Variants in GPSM2 observed in about 807,000 individuals in gnomAD.
GPSM2 encodes the protein G protein signaling modulator 2.
A neutral mutation model predicts 78.4 loss-of-function variants in GPSM2; 58 were observed. The ratio of observed to expected loss-of-function variants is 0.74; its 90% CI spans 0.60 to 0.92. The LOEUF is 0.92. GPSM2 is among the 40% of genes least tolerant of loss of function. GPSM2 has a pLI of 0.00. For missense variants in GPSM2, 700 were observed against 815.5 expected, an observed-to-expected ratio of 0.86 and a Z score of 1.73; for synonymous variants, 224 against 280.2, an observed-to-expected ratio of 0.80 and a Z score of 2.00.
intron 7 of GPSM2, among the ~76,000 whole-genome samples, chr1:108,900,491 A>G (rs1466262292): frequency 6.6e-6 from 1 of 152,070 alleles, no homozygotes; most frequent in East Asian, 1.9e-4. Context: ...CGCCCACCTC[A>G]GCCTCCCAAA....
chr1:108,898,965 T>G lies in GPSM2; in HGVS notation c.768T>G (p.Gly256=). The change falls in exon 7 of 15, where the codon GGT becomes GGG. Residue 256 remains glycine (G), a synonymous_variant. Transcript: ENST00000264126. ...SNLGNAYIFL[G]EFETASEYYK... ...TTGGAAATGCATATATATTTCTTGG[T>G]GAATTTGAAACTGCCTCGGAATACT... The G allele has an allele frequency of 6.2e-7, 1 of 1,605,504 alleles. No individual in the cohort carries two copies. The highest frequency in any genetic ancestry group is 1.3e-5 in the African/African-American group (1 of 74,864).
intron 10 of GPSM2, among the ~76,000 whole-genome samples, chr1:108,908,264 G>C (rs58187137): frequency 0.053 from 8,135 of 152,072 alleles, 252 homozygotes; most frequent in African/African-American, 0.09. Context: ...GCAGCTACTC[G>C]GGAGGCTGAG....
chr1:108,926,583 A>AT (rs773987786), intron 14 of GPSM2: 15 of 152,202 alleles, frequency 9.9e-5, no homozygotes, highest in Non-Finnish European at 1.9e-4. Context: ...GCAAGGACTG[A>AT]TTGTTCAACA....
intron 14 of GPSM2, among the ~76,000 whole-genome samples, chr1:108,924,872 G>A (rs967494616): frequency 5.3e-5 from 8 of 152,152 alleles, no homozygotes; most frequent in African/African-American, 1.9e-4. Flanking sequence ...GGAAGGTACT[G>A]GGAGTGTCCT....
At chr1:108,894,544 A>G (rs1395126530) in intron 2 of GPSM2, among the ~76,000 whole-genome samples, 1 of 152,178 alleles carries the variant, frequency 6.6e-6, no homozygotes, top group Non-Finnish European at 1.5e-5. Context: ...CTAAAATTAC[A>G]AAAATTAGCC....
rs1229620155 is a variant in GPSM2 at position 108,929,800 on chromosome 1, C to A, written c.1915C>A (p.Gln639Lys). 6.2e-7 allele frequency: 1 copy of A among 1,613,886 alleles called. No homozygotes were observed. Among genetic ancestry groups the A allele is most frequent in the Non-Finnish European group, 8.5e-7 (1 of 1,179,956 alleles). ...CTTTTTCAGCCTTATTTTACGGTCC[C>A]AGGGAAAGAGAATGGATGAACAGAG... The part of the protein sequence containing the change: ...EDFFSLILRS[Q>K]GKRMDEQRVL... The change falls in exon 15 of 15, where the codon CAG becomes AAG. Residue 639 changes from glutamine to lysine, a missense_variant. Coordinates refer to ENST00000264126, the MANE Select transcript of GPSM2 (RefSeq NM_013296.5).
In GPSM2 at chr1:108,903,196, A is replaced by G. The variant is rs750207026; in HGVS notation, c.1024A>G (p.Met342Val). Residue 342 changes from methionine (M) to valine (V), a missense_variant, in exon 9 of 15, where the codon ATG becomes GTG. Coordinates refer to ENST00000264126, the MANE Select transcript of GPSM2 (RefSeq NM_013296.5). Reference sequence around the variant, plus strand: ...AGCACTAGGAAATCATGATCAAGCAATGCATTTTGCTGAAAAGCACTTGGA... The same window carrying G: ...AGCACTAGGAAATCATGATCAAGCAGTGCATTTTGCTGAAAAGCACTTGGA... Reference protein sequence around the residue: ...YTALGNHDQAMHFAEKHLEIS... With the variant: ...YTALGNHDQAVHFAEKHLEIS... 8 of 1,609,864 alleles carry G rather than the reference A, an allele frequency of 5.0e-6. No individual in the cohort carries two copies. In the Admixed American group the frequency reaches 5.0e-5, roughly 10 times the overall value.
At chr1:108,916,924 G>A (rs1650276325) in intron 11 of GPSM2, among the ~76,000 whole-genome samples, 1 of 152,144 alleles carries the variant, frequency 6.6e-6, no homozygotes. Flanking sequence ...TTGAGACTTG[G>A]ATGCCTGAAC....
chr1:108,887,724 A>T (rs1334346803), intron 2 of GPSM2, among the ~76,000 whole-genome samples: 1 of 152,178 alleles, frequency 6.6e-6, no homozygotes, highest in Non-Finnish European at 1.5e-5. Context: ...ACCCACAGAC[A>T]CCATGCACCC....
intron 11 of GPSM2, among the ~76,000 whole-genome samples, chr1:108,914,970 AG>A (rs1180394499): frequency 1.3e-5 from 2 of 151,948 alleles, no homozygotes; most frequent in East Asian, 1.9e-4. Context: ...CTTGCAGGAG[AG>A]GGGTGCACAG....
Position 108,879,823 on chromosome 1 carries a change from A to G in GPSM2, c.-249+2595A>G, listed in dbSNP as rs187443638. 9.9e-3 allele frequency among the ~76,000 whole-genome samples: 1,505 copies of G among 152,092 alleles called. 23 individuals are homozygous for G. Among genetic ancestry groups the G allele is most frequent in the African/African-American group, 0.034 (1,430 of 41,490 alleles). ...GATCAAGACTCCATCTCAAAAAAAAAGGGGGGGCTGAATATGAATATATGC... is the reference window on the plus strand; with the variant it reads ...GATCAAGACTCCATCTCAAAAAAAAGGGGGGGGCTGAATATGAATATATGC... On this transcript the variant is annotated intron_variant, in intron 1 of 14. Coordinates refer to ENST00000264126, the MANE Select transcript of GPSM2 (RefSeq NM_013296.5).
rs1266207452 is a variant in GPSM2 at position 108,903,499 on chromosome 1, C to T, written c.1062+265C>T. Among the ~76,000 whole-genome samples the T allele has an allele frequency of 2.6e-5, 4 of 152,170 alleles. No homozygotes were observed. The South Asian group carries it at 6.2e-4, about 24-fold the overall frequency. On this transcript the variant is annotated intron_variant, in intron 9 of 14. Coordinates refer to ENST00000264126, the MANE Select transcript of GPSM2 (RefSeq NM_013296.5). Reference sequence around the variant, plus strand: ...TACTAAAATATGCCCCTACTCTACCCGCATCTCTACATGGAGAAGTAGCAT... The same window carrying T: ...TACTAAAATATGCCCCTACTCTACCTGCATCTCTACATGGAGAAGTAGCAT...
At position 108,901,777 on chromosome 1, in the gene GPSM2, TTTC is replaced by T. The variant is rs1243536847; in HGVS notation, c.798-7_798-5del. 1.9e-6 allele frequency: 3 copies of T among 1,599,666 alleles called. No individual in the cohort carries two copies. In the South Asian group the frequency reaches 3.3e-5, roughly 18 times the overall value. On this transcript the variant is annotated splice_polypyrimidine_tract_variant and intron_variant, in intron 7 of 14. Coordinates refer to ENST00000264126, the MANE Select transcript of GPSM2 (RefSeq NM_013296.5). ...AGAATGATCATTATATAAGAATTAA[TTTC>T]TTCTTGTAGGAAGACACTACTGTTG...
At position 108,897,547 on chromosome 1, in the gene GPSM2, T is replaced by G. The variant is rs1354250709; in HGVS notation, c.334T>G (p.Leu112Val). ...AGCTAGTGGTAATCTGGGAAACACC[T>G]TAAAAGTTCTTGGGAATTTTGACGA... ...AKASGNLGNT[L>V]KVLGNFDEAI... The change falls in exon 4 of 15, where the codon TTA becomes GTA. Residue 112 changes from leucine to valine, a missense_variant. By Grantham distance (32) the Leu-to-Val change is conservative (BLOSUM62 1). Coordinates refer to ENST00000264126, the MANE Select transcript of GPSM2 (RefSeq NM_013296.5). The G allele has an allele frequency of 6.2e-7, 1 of 1,613,702 alleles. No individual in the cohort carries two copies. The highest frequency in any genetic ancestry group is 8.5e-7 in the Non-Finnish European group (1 of 1,179,650).
chr1:108,884,320 T>C (rs1056395122), intron 1 of GPSM2, among the ~76,000 whole-genome samples: 2 of 152,162 alleles, frequency 1.3e-5, no homozygotes, highest in African/African-American at 2.4e-5. Flanking sequence ...AGGGTCTTGC[T>C]CTGTCAACCA....
Position 108,896,704 on chromosome 1 carries a change from A to G in GPSM2, c.57-160A>G, listed in dbSNP as rs192818349. Among the ~76,000 whole-genome samples, 5 of 152,356 alleles carry G rather than the reference A, an allele frequency of 3.3e-5. No homozygotes were observed. In the East Asian group the frequency reaches 7.7e-4, roughly 23 times the overall value. On this transcript the variant is annotated intron_variant, in intron 2 of 14. Transcript: ENST00000264126. The stretch of plus-strand genomic sequence containing the variant: ...ATAGGCAAATTACCTCTTGCTACAA[A>G]TAACTGCTTACTGTTTTATCAGGAA...
chr1:108,924,445 G>T, intron 14 of GPSM2: 1 of 577,162 alleles, frequency 1.7e-6, no homozygotes, highest in Non-Finnish European at 3.1e-6. Context: ...GTGTGTGTGT[G>T]TGTATATATA....
In GPSM2 at chr1:108,898,741, G is replaced by C; in HGVS notation, c.657G>C (p.Arg219Ser). Residue 219 changes from arginine to serine, a missense_variant, in exon 6 of 15, where the codon AGG (arginine) becomes AGC (serine). Arg to Ser is a moderately radical substitution (Grantham distance 110). Coordinates refer to ENST00000264126, the MANE Select transcript of GPSM2 (RefSeq NM_013296.5). ...GNTHYLLGNF[R>S]DAVIAHEQRL... ...CACATTACCTCCTTGGCAACTTCAGGGATGCAGTTATAGCTCATGAGCAGG... is the reference window on the plus strand; with the variant it reads ...CACATTACCTCCTTGGCAACTTCAGCGATGCAGTTATAGCTCATGAGCAGG... 6.2e-7 allele frequency: 1 copy of C among 1,613,930 alleles called. No individual in the cohort carries two copies. Among genetic ancestry groups the C allele is most frequent in the East Asian group, 2.2e-5 (1 of 44,868 alleles).
At position 108,929,854 on chromosome 1, in the gene GPSM2, G is replaced by GAC. The variant is rs1266757299; in HGVS notation, c.1972_1973dup (p.Asp659LeufsTer5). 24 of 1,613,898 alleles carry GAC rather than the reference G, an allele frequency of 1.5e-5. No individual in the cohort carries two copies. Among genetic ancestry groups the GAC allele is most frequent in the Non-Finnish European group, 1.9e-5 (22 of 1,179,814 alleles). The stretch of plus-strand genomic sequence containing the variant: ...TCTTTTACAAAGAGATCAAAACAGA[G>GAC]ACACTGACTTTGGGCTAAAGGACTT... On this transcript the variant is annotated frameshift_variant, in exon 15 of 15. Transcript: ENST00000264126. LOFTEE classifies it high-confidence loss of function.
Sources: gnomAD v4.1 joint callset for allele counts (sites outside exome capture counted in the v4.1 genomes callset) on GRCh38, gnomAD v4.1.1 for gene constraint, MANE v1.5 for transcripts, NCBI Gene and HGNC (gene_info 2026-07-23, HGNC 2026-07-21) for gene names.